KCNMA1: variants seen among roughly 807,000 people sequenced by gnomAD.
KCNMA1 encodes the protein potassium calcium-activated channel subfamily M alpha 1.
A neutral mutation model predicts 140.0 loss-of-function variants in KCNMA1; 29 were observed. The ratio of observed to expected loss-of-function variants is 0.21; its 90% CI spans 0.15 to 0.28. KCNMA1 has a LOEUF of 0.28. Among genes scored for constraint, KCNMA1 ranks in the 10% least tolerant of loss-of-function variants. The pLI is 1.00. For missense variants in KCNMA1, 880 were observed against 1,602.2 expected (o/e 0.55, Z 7.70); for synonymous variants, 612 against 611.9 (o/e 1.00, Z 0.00).
intron 2 of KCNMA1, among the ~76,000 whole-genome samples, chr10:77,341,040 G>T (rs1324750833): frequency 6.6e-5 from 10 of 152,148 alleles, no homozygotes; most frequent in Non-Finnish European, 1.3e-4. Context: ...CAGGGTCATG[G>T]CCTCTCTGCA....
At chr10:76,995,042 T>C (rs182911627) in intron 19 of KCNMA1, among the ~76,000 whole-genome samples, 2 of 152,190 alleles carry the variant, frequency 1.3e-5, no homozygotes, top group East Asian at 3.9e-4. Context: ...TGATACTAAT[T>C]TGAGACAATA....
chr10:77,609,837 C>A (rs181976081), intron 1 of KCNMA1, among the ~76,000 whole-genome samples: 140 of 152,240 alleles, frequency 9.2e-4, no homozygotes, highest in African/African-American at 3.2e-3. Flanking sequence ...AAAACACAGA[C>A]TGAAAATAAA....
chr10:76,956,382 A>C (rs2068299295), intron 20 of KCNMA1, among the ~76,000 whole-genome samples: 1 of 152,180 alleles, frequency 6.6e-6, no homozygotes. Context: ...GAGGTATGCC[A>C]CACTACACTC....
chr10:77,209,872 A>T (rs981534776), intron 3 of KCNMA1, among the ~76,000 whole-genome samples: 1 of 151,922 alleles, frequency 6.6e-6, no homozygotes, highest in Non-Finnish European at 1.5e-5. Context: ...GAAAACCTGA[A>T]CAGACCAATA....
intron 1 of KCNMA1, among the ~76,000 whole-genome samples, chr10:77,517,211 A>C (rs2154549620): frequency 6.6e-6 from 1 of 152,124 alleles, no homozygotes; most frequent in Admixed American, 6.5e-5. Flanking sequence ...GAGCTGCCTG[A>C]CCTCATTCAA....
intron 5 of KCNMA1, among the ~76,000 whole-genome samples, chr10:77,153,269 C>G (rs1041258139): frequency 6.6e-6 from 1 of 152,190 alleles, no homozygotes; most frequent in Non-Finnish European, 1.5e-5. Context: ...GTGAATTTTA[C>G]CCAGAAAAGC....
At chr10:77,177,780 C>A (rs192159446) in intron 5 of KCNMA1, among the ~76,000 whole-genome samples, 31 of 152,286 alleles carry the variant, frequency 2.0e-4, no homozygotes, top group African/African-American at 6.7e-4. Flanking sequence ...CTCCTCTGAA[C>A]TCCCATGGCC....
At chr10:77,138,754 C>T (rs1231337431) in intron 5 of KCNMA1, among the ~76,000 whole-genome samples, 1 of 152,192 alleles carries the variant, frequency 6.6e-6, no homozygotes, top group Non-Finnish European at 1.5e-5. Context: ...TCCATGTCCT[C>T]ACGCCCTGCA....
At chr10:76,900,350 G>A (rs759175794) in intron 25 of KCNMA1, among the ~76,000 whole-genome samples, 4 of 152,030 alleles carry the variant, frequency 2.6e-5, no homozygotes, top group Non-Finnish European at 4.4e-5. Flanking sequence ...GGGACTTCCA[G>A]AGGGAAAAAT....
intron 1 of KCNMA1, among the ~76,000 whole-genome samples, chr10:77,491,746 CACACA>C (rs2039985215): frequency 6.9e-6 from 1 of 145,576 alleles, no homozygotes; most frequent in Non-Finnish European, 1.5e-5. Context: ...CACACACACA[CACACA>C]CACCCTACAT....
chr10:77,158,142 T>C (rs1461934355), intron 5 of KCNMA1, among the ~76,000 whole-genome samples: 3 of 151,986 alleles, frequency 2.0e-5, no homozygotes, highest in Non-Finnish European at 2.9e-5. Context: ...AAGAAAACAC[T>C]TTTAGGGAGA....
At chr10:77,382,994 G>GTGTGTGTGTGTGTGTATATA (rs1491457588) in intron 2 of KCNMA1, among the ~76,000 whole-genome samples, 2 of 46,426 alleles carry the variant, frequency 4.3e-5, no homozygotes, top group African/African-American at 1.9e-4. Flanking sequence ...GTGTGTGTGT[G>GTGTGTGTGTGTGTGTATATA]TATATATATA....
At chr10:77,411,629 T>C (rs1272243030) in intron 1 of KCNMA1, among the ~76,000 whole-genome samples, 3 of 152,206 alleles carry the variant, frequency 2.0e-5, no homozygotes, top group Non-Finnish European at 4.4e-5. Flanking sequence ...GCAAGGATTA[T>C]TGGCTGCTGC....
At chr10:77,303,656 G>A (rs559387638) in intron 2 of KCNMA1, among the ~76,000 whole-genome samples, 1 of 152,226 alleles carries the variant, frequency 6.6e-6, no homozygotes, top group South Asian at 2.1e-4. Flanking sequence ...CCCATGCTGT[G>A]CTCTGACCTT....
At chr10:77,027,598 ACT>A (rs1295227712) in intron 16 of KCNMA1, among the ~76,000 whole-genome samples, 1 of 152,000 alleles carries the variant, frequency 6.6e-6, no homozygotes. Context: ...CTGGAGAAAC[ACT>A]CTCTGAATGC....
chr10:76,888,697 A>G (rs1028990358), intron 27 of KCNMA1, among the ~76,000 whole-genome samples: 1 of 152,228 alleles, frequency 6.6e-6, no homozygotes, highest in Non-Finnish European at 1.5e-5. Context: ...AAATAAATAT[A>G]TAAAAGTTAA....
chr10:77,411,947 C>T (rs1464939360), intron 1 of KCNMA1, among the ~76,000 whole-genome samples: 1 of 152,220 alleles, frequency 6.6e-6, no homozygotes, highest in African/African-American at 2.4e-5. Flanking sequence ...TCCTCCCTCG[C>T]CATGCGTATC....
At position 77,414,711 on chromosome 10, in the gene KCNMA1, A is replaced by T. The variant is rs1329259875; in HGVS notation, c.379-10688T>A. On this transcript the variant is annotated intron_variant, in intron 1 of 27. Transcript: ENST00000286628. ...CAACATGTTGGATAGGCTGGTCTGG[A>T]ACTCCTGACCTCAAGTGATCTGCCC... Among the ~76,000 whole-genome samples, 6 of 151,888 alleles carry T rather than the reference A, an allele frequency of 4.0e-5. No homozygotes were observed. In the East Asian group the frequency reaches 1.2e-3, roughly 30 times the overall value.
intron 1 of KCNMA1, among the ~76,000 whole-genome samples, chr10:77,575,310 G>C (rs2154561781): frequency 6.6e-6 from 1 of 152,284 alleles, no homozygotes; most frequent in East Asian, 1.9e-4. Flanking sequence ...AGCACAAGAG[G>C]AGGAGAATGC....
Sources: allele counts gnomAD v4.1 joint callset (sites outside exome capture counted in the v4.1 genomes callset), GRCh38; gene constraint gnomAD v4.1.1; transcripts MANE v1.5; gene names NCBI Gene and HGNC (gene_info 2026-07-23, HGNC 2026-07-21).